Variants in WDR74 observed in about 807,000 individuals in gnomAD.
WDR74 encodes WD repeat-containing protein 74.
Under a neutral mutation model 45.6 loss-of-function variants are expected in WDR74, and 31 were observed. The ratio of observed to expected loss-of-function variants is 0.68; its 90% CI spans 0.51 to 0.92. WDR74 has a LOEUF of 0.92. Ranked by LOEUF, WDR74 falls within the 40% of genes least tolerant of loss-of-function variation. The pLI is 0.00. For missense variants in WDR74, 455 were observed against 497.2 expected (o/e 0.92, Z 0.81); for synonymous variants, 191 against 192.4 (o/e 0.99, Z 0.06).
chr11:62,834,811 G>A (rs1168405489), intron 6 of WDR74: 3 of 436,976 alleles, frequency 6.9e-6, no homozygotes, highest in Admixed American at 3.9e-5. Flanking sequence ...GGACAGAAAA[G>A]CAAGTTGGTC....
At chr11:62,834,055 G>C (rs952181712) in intron 8 of WDR74, 118 bp from the exon 9 acceptor site, 12 of 1,472,996 alleles carry the variant, frequency 8.1e-6, no homozygotes, top group African/African-American at 1.4e-5. Flanking sequence ...CCTGAGACTG[G>C]AGCTTCTACT....
In WDR74 at chr11:62,832,974, C is replaced by G. The variant is rs762674493; in HGVS notation, c.1136G>C (p.Arg379Pro). Residue 379 changes from arginine (R) to proline (P), a missense_variant, in exon 11 of 11, where the codon CGG becomes CCG. Physicochemically the swap from Arg to Pro is moderately radical, Grantham distance 103 (BLOSUM62 -2). Coordinates refer to ENST00000278856, the MANE Select transcript of WDR74 (RefSeq NM_001369450.1). The part of the protein sequence containing the change: ...ALQTRRRKKK[R>P]PGSTSP ...GCGTCAGGGGCTGGTGGACCCAGGCCGCTTCTTCTTTCTCCGTCTCGTTTG... is the reference window on the plus strand; with the variant it reads ...GCGTCAGGGGCTGGTGGACCCAGGCGGCTTCTTCTTTCTCCGTCTCGTTTG... 2 of 1,606,524 alleles carry G rather than the reference C, an allele frequency of 1.2e-6. No homozygotes were observed. The highest frequency in any genetic ancestry group is 2.7e-5 in the African/African-American group (2 of 74,326).
chr11:62,839,506 C>T lies in WDR74; in HGVS notation c.64+1G>A. ...TCCCGACGCCCGAGCCTGCCACCCA[C>T]CTTTCAAGATCCCAGTCTCGGTGCC... On this transcript the variant is annotated splice_donor_variant, in intron 1 of 10. Coordinates refer to ENST00000278856, the MANE Select transcript of WDR74 (RefSeq NM_001369450.1). LOFTEE classifies it high-confidence loss of function. The T allele has an allele frequency of 2.5e-6, 4 of 1,613,748 alleles. No homozygotes were observed. Among genetic ancestry groups the T allele is most frequent in the Non-Finnish European group, 3.4e-6 (4 of 1,179,876 alleles).
chr11:62,838,251 C>G (rs982971010), intron 3 of WDR74, among the ~76,000 whole-genome samples: 13 of 152,070 alleles, frequency 8.5e-5, no homozygotes, highest in African/African-American at 3.1e-4. Flanking sequence ...GGGACGGATT[C>G]AAGCGATTCT....
In WDR74 at chr11:62,835,856, A is replaced by G. The variant is rs776906026; in HGVS notation, c.370-15T>C. On this transcript the variant is annotated splice_polypyrimidine_tract_variant and intron_variant, in intron 4 of 10. Transcript: ENST00000278856. ...AGTTCCAGGAGCTGTAAAGAATAGGAGATAAGAGTCCGTTCCAGAGTCCTT... is the reference window on the plus strand; with the variant it reads ...AGTTCCAGGAGCTGTAAAGAATAGGGGATAAGAGTCCGTTCCAGAGTCCTT... 3 of 1,605,926 alleles carry G rather than the reference A, an allele frequency of 1.9e-6. No homozygotes were observed. In the South Asian group the frequency reaches 3.3e-5, roughly 18 times the overall value.
chr11:62,839,254 A>AGATGGCGAG lies in WDR74; in HGVS notation c.172-28_172-20dup. Reference sequence around the variant, plus strand: ...CCAGCATCTGCGGCAAAGAAGGGCAAGATGGCGAGGAGAGCGAGGCTGCTG... The same window carrying AGATGGCGAG: ...CCAGCATCTGCGGCAAAGAAGGGCAAGATGGCGAGGATGGCGAGGAGAGCGAGGCTGCTG... On this transcript the variant is annotated intron_variant, in intron 2 of 10. Coordinates refer to ENST00000278856, the MANE Select transcript of WDR74 (RefSeq NM_001369450.1). 2 of 1,613,194 alleles carry AGATGGCGAG rather than the reference A, an allele frequency of 1.2e-6. No individual in the cohort carries two copies. Among genetic ancestry groups the AGATGGCGAG allele is most frequent in the Non-Finnish European group, 1.7e-6 (2 of 1,179,854 alleles).
chr11:62,841,158 A>T (rs1030720775), upstream of WDR74, among the ~76,000 whole-genome samples: 1 of 152,162 alleles, frequency 6.6e-6, no homozygotes, highest in Non-Finnish European at 1.5e-5. Flanking sequence ...CTCTATTAAA[A>T]GTATAAAAAT....
chr11:62,835,951 G>C lies in WDR74; in HGVS notation c.369+10C>G. On this transcript the variant is annotated intron_variant, in intron 4 of 10. Transcript: ENST00000278856. ...CACCTCCCCCAACCATCAGGGCAGG[G>C]GAGCCTCACTGGGTCAGAGGATGTG... 6.3e-7 allele frequency: 1 copy of C among 1,590,530 alleles called. No homozygotes were observed. The highest frequency in any genetic ancestry group is 1.3e-5 in the African/African-American group (1 of 74,694).
intron 8 of WDR74, 81 bp from the exon 9 acceptor site, chr11:62,834,018 A>G: frequency 6.4e-7 from 1 of 1,556,128 alleles, no homozygotes; most frequent in Non-Finnish European, 8.7e-7. Flanking sequence ...ATCACTTTCC[A>G]TTTCAACATT....
chr11:62,841,373 G>T (rs925589481), upstream of WDR74, among the ~76,000 whole-genome samples: 1 of 152,042 alleles, frequency 6.6e-6, no homozygotes, highest in African/African-American at 2.4e-5. Flanking sequence ...GGTGGCAAGC[G>T]CTCAATAGTT....
chr11:62,834,107 G>T, intron 8 of WDR74, 169 bp downstream of exon 8: 2 of 1,398,148 alleles, frequency 1.4e-6, no homozygotes, highest in Non-Finnish European at 2.0e-6. Flanking sequence ...GGCACAGGGA[G>T]TTGAAATAAT....
rs2084896877 is a variant in WDR74 at position 62,833,115 on chromosome 11, G to C, written c.995C>G (p.Pro332Arg). ...TAGGGGCACCTTGTTGGGTTCTTGA[G>C]GCTCTTGGGGCTCATCCTGGTGAGT... ...RDNWEDEPQE[P>R]QEPNKVPLED... The change falls in exon 11 of 11, where the codon CCT (proline) becomes CGT (arginine). Residue 332 changes from proline to arginine, a missense_variant. Transcript: ENST00000278856. 4 of 1,612,788 alleles carry C rather than the reference G, an allele frequency of 2.5e-6. No homozygotes were observed. Among genetic ancestry groups the C allele is most frequent in the Non-Finnish European group, 3.4e-6 (4 of 1,179,562 alleles).
chr11:62,841,539 A>T (rs189507852), upstream of WDR74: 14 of 151,166 alleles, frequency 9.3e-5, no homozygotes, highest in Admixed American at 7.5e-4. Context: ...TCCAACTCAA[A>T]CAACAAGAAC....
At chr11:62,835,149 A>G in intron 6 of WDR74, 1 of 384,744 alleles carries the variant, frequency 2.6e-6, no homozygotes, top group Non-Finnish European at 4.8e-6. Flanking sequence ...ACCCAGCCCA[A>G]TGTCCTCTGA....
In WDR74 at chr11:62,839,370, G is replaced by A; in HGVS notation, c.123C>T (p.Arg41=). The change falls in exon 2 of 11, where the codon CGC becomes CGT. Residue 41 remains arginine (R), a synonymous_variant. Coordinates refer to ENST00000278856, the MANE Select transcript of WDR74 (RefSeq NM_001369450.1). Reference sequence around the variant, plus strand: ...AACACAGGGCGCTCACTGCCTCCTCGCGCCGCGGCTGTCCTCCGGCCGTGA... The same window carrying A: ...AACACAGGGCGCTCACTGCCTCCTCACGCCGCGGCTGTCCTCCGGCCGTGA... ...ANFTAGGQPR[R]EEAVSALCWG... is the part of the protein sequence containing the mutation. 2 of 1,612,246 alleles carry A rather than the reference G, an allele frequency of 1.2e-6. No individual in the cohort carries two copies. Among genetic ancestry groups the A allele is most frequent in the African/African-American group, 1.3e-5 (1 of 75,062 alleles).
chr11:62,839,701 G>A (rs1258028075), upstream of WDR74: 1 of 1,174,046 alleles, frequency 8.5e-7, no homozygotes, highest in South Asian at 1.6e-5. Context: ...TTCCATGCTT[G>A]TTTTGCTTTA....
At chr11:62,841,415 T>TGG (rs2085047394), upstream of WDR74, among the ~76,000 whole-genome samples, 3 of 151,142 alleles carry the variant, frequency 2.0e-5, no homozygotes, top group Admixed American at 6.6e-5. Context: ...GTATGAAGAT[T>TGG]GCTGAAGACC....
chr11:62,839,011 A>C, intron 3 of WDR74, 103 bp downstream of exon 3: 1 of 1,527,004 alleles, frequency 6.5e-7, no homozygotes, highest in Non-Finnish European at 8.8e-7. Context: ...ACCCATTCAA[A>C]GCCGTGTCAC....
chr11:62,837,049 C>T (rs1423262873), intron 3 of WDR74, among the ~76,000 whole-genome samples: 1 of 152,150 alleles, frequency 6.6e-6, no homozygotes, highest in Non-Finnish European at 1.5e-5. Flanking sequence ...GCACTTCAGC[C>T]TCAGTGACAG....
Sources: gnomAD v4.1 joint callset for allele counts (sites outside exome capture counted in the v4.1 genomes callset) on GRCh38, gnomAD v4.1.1 for gene constraint, MANE v1.5 for transcripts, NCBI Gene and HGNC (gene_info 2026-07-23, HGNC 2026-07-21) for gene names.